ACTR3C: variants seen among roughly 807,000 people sequenced by gnomAD.
ACTR3C encodes the protein actin related protein 3C.
In ACTR3C, 18 loss-of-function variants were observed where a neutral mutation model predicts 26.3. The observed-to-expected ratio is 0.68, with a 90% CI of 0.47 to 1.01. The LOEUF (loss-of-function observed/expected upper bound fraction) is 1.01. Among genes scored for constraint, ACTR3C ranks in the 50% least tolerant of loss-of-function variants. ACTR3C has a pLI of 0.00. For missense variants in ACTR3C, 184 were observed against 250.7 expected (o/e 0.73, Z 1.80); for synonymous variants, 55 against 94.5 (o/e 0.58, Z 2.42).
the ACTR3C span, among the ~76,000 whole-genome samples, chr7:149,907,514 C>CTCTCT: frequency 1.3e-5 from 2 of 149,748 alleles, no homozygotes; most frequent in African/African-American, 5.0e-5. Context: ...CTCTCTCTCT[C>CTCTCT]AACAAACTCA....
the ACTR3C span, among the ~76,000 whole-genome samples, chr7:149,961,775 C>T: frequency 6.6e-6 from 1 of 151,794 alleles, no homozygotes; most frequent in African/African-American, 2.4e-5. Context: ...GAAGTGTACA[C>T]ATAGGAAGTG....
the ACTR3C span, among the ~76,000 whole-genome samples, chr7:150,238,145 TA>T: frequency 6.8e-6 from 1 of 146,156 alleles, no homozygotes; most frequent in Non-Finnish European, 1.5e-5. Flanking sequence ...TTTCACTGCA[TA>T]AAATTATATA....
chr7:149,887,017 G>C, the ACTR3C span, among the ~76,000 whole-genome samples: 1 of 151,228 alleles, frequency 6.6e-6, no homozygotes, highest in East Asian at 1.9e-4. Flanking sequence ...AGGAAGAGAT[G>C]AGTAGGGCAA....
intron 6 of ACTR3C, among the ~76,000 whole-genome samples, chr7:150,254,445 C>T (rs1833066973): frequency 6.6e-6 from 1 of 151,924 alleles, no homozygotes; most frequent in Non-Finnish European, 1.5e-5. Context: ...TTGACCTTCC[C>T]AGTCTTAAAA....
At chr7:149,991,121 C>A in the ACTR3C span, among the ~76,000 whole-genome samples, 1 of 152,172 alleles carries the variant, frequency 6.6e-6, no homozygotes, top group Admixed American at 6.5e-5. Context: ...AGTAAAGGCA[C>A]GTCTTACACG....
chr7:150,178,563 T>C, the ACTR3C span, among the ~76,000 whole-genome samples: 24,194 of 150,028 alleles, frequency 0.16, 4,256 homozygotes, highest in African/African-American at 0.39. Flanking sequence ...AGATTACAGG[T>C]GTGAGCCACT....
chr7:150,120,007 G>A, the ACTR3C span, among the ~76,000 whole-genome samples: 4 of 152,092 alleles, frequency 2.6e-5, 1 homozygote, highest in Non-Finnish European at 5.9e-5. Flanking sequence ...TGAAATTAAG[G>A]CAGAAATAAG....
In ACTR3C at chr7:150,274,663, G is replaced by A. The variant is rs948023010; in HGVS notation, c.564+10090C>T. 2.6e-5 allele frequency among the ~76,000 whole-genome samples: 4 copies of A among 152,234 alleles called. No individual in the cohort carries two copies. The highest frequency in any genetic ancestry group is 5.9e-5 in the Non-Finnish European group (4 of 68,038). On this transcript the variant is annotated intron_variant, in intron 6 of 7. Transcript: ENST00000683684. This position sits in a 1 kb window ranked among gnomAD's most constrained non-coding sequence, Gnocchi z 4.1. ...TGCACCTGAGGACGCAGGGGCTGGGGAATGAGTGCAGTCACGATGCTAGGA... is the reference window on the plus strand; with the variant it reads ...TGCACCTGAGGACGCAGGGGCTGGGAAATGAGTGCAGTCACGATGCTAGGA...
At chr7:150,230,617 C>G in the ACTR3C span, among the ~76,000 whole-genome samples, 9 of 152,122 alleles carry the variant, frequency 5.9e-5, no homozygotes, top group Non-Finnish European at 1.3e-4. Flanking sequence ...AGAACCTAAC[C>G]AATGCATGAT....
chr7:150,193,422 G>A, the ACTR3C span, among the ~76,000 whole-genome samples: 3 of 68,566 alleles, frequency 4.4e-5, no homozygotes, highest in Non-Finnish European at 9.4e-5. Context: ...TTTTTTTTTT[G>A]TCTTTGTTGC....
intron 1 of ACTR3C, among the ~76,000 whole-genome samples, chr7:150,316,079 C>A (rs1225778962): frequency 6.6e-6 from 1 of 152,190 alleles, no homozygotes; most frequent in Non-Finnish European, 1.5e-5. Flanking sequence ...TGCCTGTAAT[C>A]CCAGCTATTC....
the ACTR3C span, among the ~76,000 whole-genome samples, chr7:150,041,207 G>A: frequency 1.3e-4 from 20 of 150,448 alleles, no homozygotes; most frequent in African/African-American, 1.7e-4. Flanking sequence ...CCGGGTCCCC[G>A]ACCCCTTTGT....
chr7:149,906,437 TTTTTTTTTTTTTTA>T, the ACTR3C span, among the ~76,000 whole-genome samples: 1 of 79,292 alleles, frequency 1.3e-5, no homozygotes. Context: ...TTTTTTTTTT[TTTTTTTTTTTTTTA>T]GATGGAGCCT....
At chr7:150,060,464 G>T in the ACTR3C span, among the ~76,000 whole-genome samples, 2 of 152,116 alleles carry the variant, frequency 1.3e-5, no homozygotes, top group Non-Finnish European at 2.9e-5. Context: ...CACACCAACA[G>T]CATCCTCCGT....
the ACTR3C span, among the ~76,000 whole-genome samples, chr7:149,903,895 T>C: frequency 0.025 from 998 of 40,252 alleles, 44 homozygotes; most frequent in African/African-American, 0.054. Flanking sequence ...TTGTTGTTTG[T>C]TGTTGCTGGT....
the ACTR3C span, among the ~76,000 whole-genome samples, chr7:150,032,972 C>T: frequency 6.6e-6 from 1 of 152,066 alleles, no homozygotes; most frequent in Admixed American, 6.6e-5. Context: ...TGCAAAAGGT[C>T]TGCTGGAGAC....
chr7:150,106,992 A>C, the ACTR3C span, among the ~76,000 whole-genome samples: 1 of 144,998 alleles, frequency 6.9e-6, no homozygotes, highest in Non-Finnish European at 1.5e-5. Context: ...CATTGAGGTG[A>C]TATAACTCTG....
chr7:150,141,571 T>G, the ACTR3C span, among the ~76,000 whole-genome samples: 1 of 152,080 alleles, frequency 6.6e-6, no homozygotes, highest in South Asian at 2.1e-4. Context: ...GTCATTCTCT[T>G]TCCCTTAGTG....
chr7:150,195,372 T>C, the ACTR3C span, among the ~76,000 whole-genome samples: 1 of 152,130 alleles, frequency 6.6e-6, no homozygotes, highest in Non-Finnish European at 1.5e-5. Flanking sequence ...TGTGTAGATA[T>C]AAGTTTCTTT....
Sources: allele counts gnomAD v4.1 joint callset (sites outside exome capture counted in the v4.1 genomes callset), GRCh38; gene constraint gnomAD v4.1.1; non-coding constraint Gnocchi (gnomAD v3.1); transcripts MANE v1.5; gene names NCBI Gene and HGNC (gene_info 2026-07-23, HGNC 2026-07-21).